Variants in MGMT observed in about 807,000 individuals in gnomAD.
MGMT encodes O-6-methylguanine-DNA methyltransferase.
Under a neutral mutation model 15.9 loss-of-function variants are expected in MGMT, and 14 were observed. The ratio of observed to expected loss-of-function variants is 0.88; its 90% CI spans 0.58 to 1.37. MGMT has a LOEUF of 1.37. MGMT is among the 40% of genes most tolerant of loss of function. MGMT has a pLI of 0.00. For missense variants in MGMT, 282 were observed against 268.1 expected (o/e 1.05, Z -0.36); for synonymous variants, 130 against 118.2 (o/e 1.10, Z -0.65).
intron 1 of MGMT, among the ~76,000 whole-genome samples, chr10:129,527,754 C>T (rs574989624): frequency 7.1e-6 from 1 of 140,972 alleles, no homozygotes; most frequent in Admixed American, 6.9e-5. Context: ...TGTTCTCCCT[C>T]GTTTCTCCGA....
At chr10:129,629,707 A>C (rs961066582) in intron 2 of MGMT, among the ~76,000 whole-genome samples, 1 of 152,150 alleles carries the variant, frequency 6.6e-6, no homozygotes, top group East Asian at 1.9e-4. Context: ...CTCACAGATA[A>C]AACACATTCA....
chr10:129,663,706 A>G (rs1278445258), intron 2 of MGMT, among the ~76,000 whole-genome samples: 1 of 152,236 alleles, frequency 6.6e-6, no homozygotes, highest in African/African-American at 2.4e-5. Flanking sequence ...AATAAATATG[A>G]AAACATTTTT....
At chr10:129,764,245 TG>T (rs1199634491) in intron 4 of MGMT, among the ~76,000 whole-genome samples, 1 of 152,148 alleles carries the variant, frequency 6.6e-6, no homozygotes. Context: ...TGCGGGGTGA[TG>T]GGGGCCATAG....
At chr10:129,488,759 CAG>C (rs1376848607) in intron 1 of MGMT, among the ~76,000 whole-genome samples, 1 of 152,096 alleles carries the variant, frequency 6.6e-6, no homozygotes, top group Non-Finnish European at 1.5e-5. Flanking sequence ...AGTGGAAGTT[CAG>C]TTCTTTTTTA....
chr10:129,739,238 G>A (rs918935457), intron 3 of MGMT, among the ~76,000 whole-genome samples: 3 of 152,110 alleles, frequency 2.0e-5, no homozygotes, highest in Non-Finnish European at 2.9e-5. Flanking sequence ...TTTGAAAATC[G>A]GCACAAGACA....
chr10:129,706,112 G>T (rs538253797), intron 2 of MGMT, among the ~76,000 whole-genome samples: 1 of 152,182 alleles, frequency 6.6e-6, no homozygotes, highest in African/African-American at 2.4e-5. Context: ...ACTGTGGGCC[G>T]CACTCATAGG....
chr10:129,660,382 G>T (rs897121350), intron 2 of MGMT, among the ~76,000 whole-genome samples: 2 of 152,078 alleles, frequency 1.3e-5, no homozygotes, highest in Non-Finnish European at 2.9e-5. Context: ...GCTAAGGTGT[G>T]GGGGAGCACC....
chr10:129,474,249 TC>T (rs1162239135), intron 1 of MGMT, among the ~76,000 whole-genome samples: 3 of 152,166 alleles, frequency 2.0e-5, no homozygotes. Context: ...CACTAGCCTG[TC>T]AGTGCTTCCC....
intron 2 of MGMT, among the ~76,000 whole-genome samples, chr10:129,651,954 C>T (rs1241380095): frequency 6.7e-6 from 1 of 149,758 alleles, no homozygotes; most frequent in Non-Finnish European, 1.5e-5. Flanking sequence ...AAACAGAGGC[C>T]GGTGGCGTGG....
intron 2 of MGMT, among the ~76,000 whole-genome samples, chr10:129,703,620 G>A (rs1212719374): frequency 2.0e-5 from 3 of 152,086 alleles, no homozygotes; most frequent in Non-Finnish European, 2.9e-5. Context: ...CCCGGGGACC[G>A]TACAACTCAC....
chr10:129,751,533 T>G (rs980606179), intron 3 of MGMT, among the ~76,000 whole-genome samples: 1 of 151,516 alleles, frequency 6.6e-6, no homozygotes, highest in Non-Finnish European at 1.5e-5. Flanking sequence ...CGCCTTTGCC[T>G]TTATTATTTC....
At chr10:129,615,685 G>A (rs1425978793) in intron 2 of MGMT, among the ~76,000 whole-genome samples, 2 of 152,144 alleles carry the variant, frequency 1.3e-5, no homozygotes, top group African/African-American at 2.4e-5. Flanking sequence ...TGAGGCTGCC[G>A]TGCGGGTGTG....
chr10:129,531,565 C>T (rs1286415996), intron 1 of MGMT, among the ~76,000 whole-genome samples: 3 of 152,214 alleles, frequency 2.0e-5, no homozygotes, highest in East Asian at 1.9e-4. Context: ...GAGACGCTGC[C>T]GTGCTCGGTG....
intron 2 of MGMT, among the ~76,000 whole-genome samples, chr10:129,612,547 A>G (rs1846973371): frequency 6.6e-6 from 1 of 152,332 alleles, no homozygotes; most frequent in Admixed American, 6.5e-5. Flanking sequence ...GAGGACATGA[A>G]GTGAGTTAAT....
intron 3 of MGMT, among the ~76,000 whole-genome samples, chr10:129,719,486 C>T (rs891767162): frequency 2.0e-5 from 3 of 152,134 alleles, no homozygotes; most frequent in Non-Finnish European, 2.9e-5. Context: ...CCTGGAAGTC[C>T]GAGACCGAGG....
intron 2 of MGMT, among the ~76,000 whole-genome samples, chr10:129,655,733 T>C (rs1397484398): frequency 6.6e-6 from 1 of 152,210 alleles, no homozygotes; most frequent in African/African-American, 2.4e-5. Context: ...AGCTGTGGGT[T>C]GTCGTTACGT....
At position 129,499,794 on chromosome 10, in the gene MGMT, A is replaced by G. The variant is rs543610494; in HGVS notation, c.-13+32498A>G. Among the ~76,000 whole-genome samples the G allele has an allele frequency of 7.9e-5, 12 of 152,354 alleles. No homozygotes were observed. In the South Asian group the frequency reaches 1.0e-3, roughly 13 times the overall value. ...TGGATACTGTACTATGTAGAATCTG[A>G]TCACGAGACTCCTGCTTCATCACGT... On this transcript the variant is annotated intron_variant, in intron 1 of 4. Coordinates refer to ENST00000651593, the MANE Select transcript of MGMT (RefSeq NM_002412.5).
intron 2 of MGMT, among the ~76,000 whole-genome samples, chr10:129,595,293 T>C (rs756065328): frequency 2.0e-5 from 3 of 152,146 alleles, no homozygotes; most frequent in Non-Finnish European, 2.9e-5. Context: ...GTTAACCAGA[T>C]CTTAGAAATT....
In MGMT at chr10:129,660,313, G is replaced by A. The variant is rs538790796; in HGVS notation, c.126-47582G>A. Among the ~76,000 whole-genome samples, 10 of 152,042 alleles carry A rather than the reference G, an allele frequency of 6.6e-5. No homozygotes were observed. In the East Asian group the frequency reaches 1.9e-3, roughly 29 times the overall value. ...CTCGGCGGATGGGCGAGTGCTGTTCGCCTGTGGTCTGTCTCAGGGGTTCTA... is the reference window on the plus strand; with the variant it reads ...CTCGGCGGATGGGCGAGTGCTGTTCACCTGTGGTCTGTCTCAGGGGTTCTA... On this transcript the variant is annotated intron_variant, in intron 2 of 4. Transcript: ENST00000651593.
Sources: gnomAD v4.1 joint callset for allele counts (sites outside exome capture counted in the v4.1 genomes callset) on GRCh38, gnomAD v4.1.1 for gene constraint, MANE v1.5 for transcripts, NCBI Gene and HGNC (gene_info 2026-07-23, HGNC 2026-07-21) for gene names.